The following MAST4 variants were observed in gnomAD, a reference collection of about 807,000 sequenced individuals.
The protein encoded by MAST4 is microtubule-associated serine/threonine-protein kinase 4.
MAST4 carries 89 observed loss-of-function variants against 162.7 expected under a neutral mutation model. That is an observed-to-expected ratio of 0.55 (90% CI 0.46 to 0.65). The LOEUF (loss-of-function observed/expected upper bound fraction) is 0.65, where lower values mean the gene tolerates loss of function less well. Ranked by LOEUF, MAST4 falls within the 30% of genes least tolerant of loss-of-function variation. The pLI is 0.00. For missense variants in MAST4, 3,153 were observed against 3,374.0 expected, an observed-to-expected ratio of 0.93 and a Z score of 1.62; for synonymous variants, 1,479 against 1,361.1, an observed-to-expected ratio of 1.09 and a Z score of -1.91.
intron 5 of MAST4, among the ~76,000 whole-genome samples, chr5:67,082,265 C>T (rs965525670): frequency 6.6e-6 from 1 of 151,416 alleles, no homozygotes; most frequent in Non-Finnish European, 1.5e-5. Flanking sequence ...TCTTCTGCCT[C>T]AGCCTCCTGA....
chr5:66,706,730 A>T (rs1432517677), intron 1 of MAST4, among the ~76,000 whole-genome samples: 1 of 152,054 alleles, frequency 6.6e-6, no homozygotes, highest in Non-Finnish European at 1.5e-5. Flanking sequence ...AGCTGCCATT[A>T]TATGAAAAAG....
At chr5:67,068,365 T>C (rs1345304103) in intron 5 of MAST4, among the ~76,000 whole-genome samples, 1 of 151,802 alleles carries the variant, frequency 6.6e-6, no homozygotes, top group Non-Finnish European at 1.5e-5. Context: ...TGGCGGAAGG[T>C]GAAGGGGGAA....
intron 5 of MAST4, among the ~76,000 whole-genome samples, chr5:67,059,350 C>T (rs569570808): frequency 6.6e-6 from 1 of 152,152 alleles, no homozygotes; most frequent in Non-Finnish European, 1.5e-5. Flanking sequence ...ACTTGAAGGT[C>T]AACTGACTTG....
chr5:67,044,046 G>A (rs1319329231), intron 4 of MAST4, among the ~76,000 whole-genome samples: 2 of 152,162 alleles, frequency 1.3e-5, no homozygotes, highest in Non-Finnish European at 2.9e-5. Flanking sequence ...ATCCTGGCAG[G>A]CTAGATTAGG....
chr5:67,160,649 T>C, intron 27 of MAST4, 57 bp downstream of exon 27: 1 of 1,549,058 alleles, frequency 6.5e-7, no homozygotes, highest in East Asian at 2.3e-5. Flanking sequence ...GGGGAAAAGT[T>C]ACCCCTTAAT....
intron 1 of MAST4, among the ~76,000 whole-genome samples, chr5:66,722,674 T>C (rs1751290710): frequency 6.6e-6 from 1 of 152,170 alleles, no homozygotes; most frequent in Non-Finnish European, 1.5e-5. Flanking sequence ...GCTATGATTT[T>C]GCTGCGAGAA....
intron 2 of MAST4, among the ~76,000 whole-genome samples, chr5:66,768,358 AG>A (rs1395991911): frequency 7.9e-5 from 12 of 152,110 alleles, no homozygotes; most frequent in South Asian, 2.1e-4. Context: ...TTATAGGAGG[AG>A]GGGCACTTCC....
chr5:66,789,988 A>ATTTTTTTTTTTTTTTTTTTTTTTTTT (rs57743987), intron 3 of MAST4, among the ~76,000 whole-genome samples: 1 of 52,476 alleles, frequency 1.9e-5, no homozygotes, highest in Non-Finnish European at 3.0e-5. Flanking sequence ...GCTTATTAGA[A>ATTTTTTTTTTTTTTTTTTTTTTTTTT]TTTTTTTTTT....
chr5:66,859,390 T>G (rs1195036659), intron 3 of MAST4, among the ~76,000 whole-genome samples: 2 of 152,154 alleles, frequency 1.3e-5, no homozygotes, highest in Non-Finnish European at 1.5e-5. Flanking sequence ...CTGGAGTTTT[T>G]GTTGGTGTTG....
intron 13 of MAST4, 28 bp downstream of exon 13, chr5:67,118,777 T>G: frequency 7.2e-7 from 1 of 1,392,524 alleles, no homozygotes; most frequent in Non-Finnish European, 9.9e-7. Flanking sequence ...TGAAATATGA[T>G]GTTGGTTTTT....
At chr5:66,828,439 T>A (rs1314894812) in intron 3 of MAST4, among the ~76,000 whole-genome samples, 1 of 152,180 alleles carries the variant, frequency 6.6e-6, no homozygotes, top group Non-Finnish European at 1.5e-5. Flanking sequence ...CACCGCTGAT[T>A]TACTTAGCCA....
In MAST4 at chr5:67,054,598, G is replaced by T. The variant is rs1376443336; in HGVS notation, c.763+106G>T. 2.0e-5 allele frequency: 20 copies of T among 980,278 alleles called. No homozygotes were observed. In the South Asian group the frequency reaches 3.4e-4, roughly 16 times the overall value. 60.7% of individuals were successfully genotyped at this position (980,278 alleles called of 1,614,324 possible). ...TGGTATGTCTTCACATGTTATCTTT[G>T]TTTTCCTGCTGTTTTATCCCTAAGT... On this transcript the variant is annotated intron_variant, in intron 5 of 28. Transcript: ENST00000403625.
At chr5:67,011,881 G>A (rs2150355115) in intron 4 of MAST4, among the ~76,000 whole-genome samples, 1 of 152,256 alleles carries the variant, frequency 6.6e-6, no homozygotes, top group African/African-American at 2.4e-5. Flanking sequence ...TGAGAGAGAA[G>A]GGAGAGAGAA....
intron 1 of MAST4, among the ~76,000 whole-genome samples, chr5:66,667,907 T>G (rs1204815287): frequency 6.6e-6 from 1 of 152,214 alleles, no homozygotes; most frequent in Non-Finnish European, 1.5e-5. Context: ...GGTCCAGTAT[T>G]TATCAATAGT....
rs937889683 is a variant in MAST4 at position 66,891,676 on chromosome 5, C to G, written c.643-8275C>G. On this transcript the variant is annotated intron_variant, in intron 3 of 28. Transcript: ENST00000403625. Reference sequence around the variant, plus strand: ...TGAGTGTGTTCTGTTTCACTCCACCCTACCTGACTACGTCTGTTCTCTCTT... The same window carrying G: ...TGAGTGTGTTCTGTTTCACTCCACCGTACCTGACTACGTCTGTTCTCTCTT... Among the ~76,000 whole-genome samples the G allele has an allele frequency of 3.0e-4, 46 of 152,264 alleles. 1 individual carries two copies. The highest frequency in any genetic ancestry group is 2.7e-3 in the Admixed American group (42 of 15,302).
chr5:66,826,428 A>C (rs1411169890), intron 3 of MAST4, among the ~76,000 whole-genome samples: 1 of 152,128 alleles, frequency 6.6e-6, no homozygotes, highest in African/African-American at 2.4e-5. Flanking sequence ...CCTAAGATGC[A>C]TGCACGTCAG....
intron 3 of MAST4, among the ~76,000 whole-genome samples, chr5:66,875,585 A>G (rs1761239881): frequency 1.3e-5 from 2 of 152,248 alleles, no homozygotes. Context: ...CCACATGGTC[A>G]GGCACTTAAT....
chr5:67,150,379 TTGTTTA>T (rs1287256451), intron 24 of MAST4, among the ~76,000 whole-genome samples: 9 of 152,248 alleles, frequency 5.9e-5, no homozygotes, highest in Admixed American at 6.5e-5. Context: ...ATAAAAGGCA[TTGTTTA>T]TGTTTTTGAA....
At chr5:66,885,793 A>G (rs1482139391) in intron 3 of MAST4, among the ~76,000 whole-genome samples, 2 of 152,230 alleles carry the variant, frequency 1.3e-5, no homozygotes, top group African/African-American at 4.8e-5. Context: ...TGCGCTGAAG[A>G]TACATCAGCA....
Sources: gnomAD v4.1 joint callset for allele counts (sites outside exome capture counted in the v4.1 genomes callset) on GRCh38, gnomAD v4.1.1 for gene constraint, MANE v1.5 for transcripts, NCBI Gene and HGNC (gene_info 2026-07-23, HGNC 2026-07-21) for gene names.